The following SGMS1 variants were observed in gnomAD, a reference collection of about 807,000 sequenced individuals.
SGMS1 encodes sphingomyelin synthase 1.
A neutral mutation model predicts 46.2 loss-of-function variants in SGMS1; 13 were observed. The ratio of observed to expected loss-of-function variants is 0.28; its 90% confidence interval spans 0.18 to 0.45. The LOEUF (loss-of-function observed/expected upper bound fraction) is 0.45, where lower values mean the gene tolerates loss of function less well. Among genes scored for constraint, SGMS1 ranks in the 20% least tolerant of loss-of-function variants. The pLI is 1.00. For synonymous variants in SGMS1, 203 were observed against 187.8 expected, an observed-to-expected ratio of 1.08 and a Z score of -0.66; for missense variants, 324 against 519.9, an observed-to-expected ratio of 0.62 and a Z score of 3.66.
chr10:50,545,875 T>C (rs1028847575), intron 2 of SGMS1, among the ~76,000 whole-genome samples: 6 of 152,216 alleles, frequency 3.9e-5, no homozygotes, highest in Admixed American at 1.3e-4. Context: ...ATTTAGACCA[T>C]ATCAGCCTCA....
intron 2 of SGMS1, among the ~76,000 whole-genome samples, chr10:50,570,844 G>T (rs1346499660): frequency 1.3e-5 from 2 of 152,272 alleles, no homozygotes; most frequent in East Asian, 1.9e-4. Context: ...AGGCTGAGGT[G>T]GGGGGATCAC....
chr10:50,323,302 C>A (rs1847479119), intron 8 of SGMS1, among the ~76,000 whole-genome samples: 1 of 152,138 alleles, frequency 6.6e-6, no homozygotes, highest in African/African-American at 2.4e-5. Flanking sequence ...CTAATTACAG[C>A]ATTTTAATGG....
chr10:50,355,419 C>T lies in SGMS1; in HGVS notation c.-231-11074G>A, dbSNP rs113777773. On this transcript the variant is annotated intron_variant, in intron 6 of 10. Coordinates refer to ENST00000361781, the MANE Select transcript of SGMS1 (RefSeq NM_147156.4). ...CCTGCCCGGTGCCTGGGATTGCAGGCGCGCGCCACCACGCCTGACTGGTTT... is the reference window on the plus strand; with the variant it reads ...CCTGCCCGGTGCCTGGGATTGCAGGTGCGCGCCACCACGCCTGACTGGTTT... 9.4e-3 allele frequency among the ~76,000 whole-genome samples: 1,426 copies of T among 152,292 alleles called. 24 individuals are homozygous for T. The highest frequency in any genetic ancestry group is 0.031 in the African/African-American group (1,299 of 41,574).
chr10:50,447,880 T>A (rs1475498762), intron 5 of SGMS1, among the ~76,000 whole-genome samples: 2 of 152,190 alleles, frequency 1.3e-5, no homozygotes, highest in East Asian at 1.9e-4. Flanking sequence ...TAATCCCATG[T>A]GCAGCAAAGG....
chr10:50,366,321 G>A (rs1242375647), intron 6 of SGMS1, among the ~76,000 whole-genome samples: 2 of 152,150 alleles, frequency 1.3e-5, no homozygotes, highest in Non-Finnish European at 2.9e-5. Flanking sequence ...GAGAGGTTGT[G>A]GAAAAATATA....
At chr10:50,333,862 A>G (rs902684045) in intron 7 of SGMS1, among the ~76,000 whole-genome samples, 1 of 152,226 alleles carries the variant, frequency 6.6e-6, no homozygotes, top group Non-Finnish European at 1.5e-5. Flanking sequence ...TACATATACT[A>G]TGTGTTTTTG....
In SGMS1 at chr10:50,532,428, C is replaced by G. The variant is rs186989937; in HGVS notation, c.-588-12507G>C. ...CAATTTTTCTTAAGTATAAGTATAG[C>G]TCATATCCATCTCAATTTTTAATAT... On this transcript the variant is annotated intron_variant, in intron 2 of 10. Coordinates refer to ENST00000361781, the MANE Select transcript of SGMS1 (RefSeq NM_147156.4). 4.6e-5 allele frequency among the ~76,000 whole-genome samples: 7 copies of G among 152,206 alleles called. No homozygotes were observed. In the East Asian group the frequency reaches 1.4e-3, roughly 29 times the overall value.
chr10:50,611,758 GT>G (rs766599709), intron 1 of SGMS1, among the ~76,000 whole-genome samples: 10 of 152,040 alleles, frequency 6.6e-5, no homozygotes, highest in South Asian at 4.1e-4. Flanking sequence ...CCACCTGCCT[GT>G]GCACCTTCAT....
intron 2 of SGMS1, among the ~76,000 whole-genome samples, chr10:50,546,362 C>G (rs1406079769): frequency 6.6e-6 from 1 of 152,000 alleles, no homozygotes; most frequent in Admixed American, 6.6e-5. Context: ...CCCAGCCATC[C>G]CATTACTGGG....
chr10:50,470,879 G>A (rs1341091767), intron 3 of SGMS1, among the ~76,000 whole-genome samples: 4 of 152,004 alleles, frequency 2.6e-5, no homozygotes, highest in East Asian at 1.9e-4. Context: ...CTCTCAAACC[G>A]GTTTCCCTTT....
intron 2 of SGMS1, among the ~76,000 whole-genome samples, chr10:50,548,507 T>C (rs1395891294): frequency 6.6e-6 from 1 of 152,156 alleles, no homozygotes; most frequent in African/African-American, 2.4e-5. Flanking sequence ...TGGCTAGCCA[T>C]ATGCAGAAAA....
At chr10:50,482,336 T>G (rs1013544056) in intron 3 of SGMS1, among the ~76,000 whole-genome samples, 1 of 152,102 alleles carries the variant, frequency 6.6e-6, no homozygotes, top group South Asian at 2.1e-4. Flanking sequence ...GTGGAAACCC[T>G]ACAAGCCAGA....
intron 5 of SGMS1, among the ~76,000 whole-genome samples, chr10:50,458,480 C>T (rs1837223955): frequency 6.6e-6 from 1 of 151,302 alleles, no homozygotes; most frequent in Non-Finnish European, 1.5e-5. Flanking sequence ...CTCAGCCTCC[C>T]GAGTAGCTGG....
intron 6 of SGMS1, among the ~76,000 whole-genome samples, chr10:50,354,668 G>T (rs1337134004): frequency 4.6e-5 from 7 of 152,032 alleles, no homozygotes; most frequent in Non-Finnish European, 1.5e-5. Flanking sequence ...TACAGAATGG[G>T]AGAAAAGTTT....
chr10:50,366,492 AC>A (rs1403434462), intron 6 of SGMS1, among the ~76,000 whole-genome samples: 52 of 152,362 alleles, frequency 3.4e-4, no homozygotes, highest in African/African-American at 1.1e-3. Context: ...CGATAAAGAC[AC>A]ATGCACACGT....
At chr10:50,412,317 A>G (rs1282725866) in intron 6 of SGMS1, among the ~76,000 whole-genome samples, 1 of 152,342 alleles carries the variant, frequency 6.6e-6, no homozygotes, top group Middle Eastern at 3.4e-3. Flanking sequence ...TTCCTAAGCC[A>G]TGGAACTTTT....
intron 8 of SGMS1, among the ~76,000 whole-genome samples, chr10:50,323,837 C>T (rs935785367): frequency 4.6e-5 from 7 of 152,306 alleles, no homozygotes; most frequent in Non-Finnish European, 7.3e-5. Flanking sequence ...CCTCTCCATC[C>T]ATCCTTAGGG....
chr10:50,448,147 C>G (rs978859560), intron 5 of SGMS1, among the ~76,000 whole-genome samples: 1 of 152,072 alleles, frequency 6.6e-6, no homozygotes, highest in African/African-American at 2.4e-5. Flanking sequence ...GTTTGGGAAG[C>G]TGAGGCAGGA....
intron 5 of SGMS1, among the ~76,000 whole-genome samples, chr10:50,455,687 C>T (rs1280876687): frequency 1.3e-5 from 2 of 152,248 alleles, no homozygotes; most frequent in South Asian, 2.1e-4. Flanking sequence ...GAGAGCCCAC[C>T]GAAAATGTTT....
Sources: gnomAD v4.1 joint callset for allele counts (sites outside exome capture counted in the v4.1 genomes callset) on GRCh38, gnomAD v4.1.1 for gene constraint, MANE v1.5 for transcripts, NCBI Gene and HGNC (gene_info 2026-07-23, HGNC 2026-07-21) for gene names.